PLXNA4: variants seen among roughly 807,000 people sequenced by gnomAD.
PLXNA4 encodes the protein plexin-A4.
A neutral mutation model predicts 191.8 loss-of-function variants in PLXNA4; 44 were observed. That is an observed-to-expected ratio of 0.23 (90% CI 0.18 to 0.29). The LOEUF (loss-of-function observed/expected upper bound fraction) is 0.29, where lower values mean the gene tolerates loss of function less well. Ranked by LOEUF, PLXNA4 falls within the 10% of genes least tolerant of loss-of-function variation. The pLI, the probability that PLXNA4 is intolerant of heterozygous loss-of-function variation, is 1.00. For synonymous variants in PLXNA4, 1,082 were observed against 1,009.5 expected (o/e 1.07, Z -1.36); for missense variants, 1,800 against 2,488.8 (o/e 0.72, Z 5.89).
At chr7:132,578,572 A>G (rs970021522), upstream of PLXNA4, among the ~76,000 whole-genome samples, 1 of 152,182 alleles carries the variant, frequency 6.6e-6, no homozygotes, top group Admixed American at 6.5e-5. Context: ...AGCCTTTGAA[A>G]GGAGCTGTGA....
intron 1 of PLXNA4, among the ~76,000 whole-genome samples, chr7:132,564,797 C>T (rs944072653): frequency 6.6e-6 from 1 of 152,198 alleles, no homozygotes. Flanking sequence ...GAATCCTTTT[C>T]TTTTTCTGCA....
At chr7:132,577,695 C>G (rs1219897900), upstream of PLXNA4, among the ~76,000 whole-genome samples, 1 of 152,092 alleles carries the variant, frequency 6.6e-6, no homozygotes, top group African/African-American at 2.4e-5. Context: ...CATGGGTGAC[C>G]GGAGCGCACG....
chr7:132,445,010 C>A (rs1479475046), intron 3 of PLXNA4, among the ~76,000 whole-genome samples: 2 of 151,166 alleles, frequency 1.3e-5, no homozygotes, highest in Non-Finnish European at 2.9e-5. Flanking sequence ...AAAAATTAGC[C>A]GGGCACAGTG....
At chr7:132,564,846 C>A (rs887504186) in intron 1 of PLXNA4, among the ~76,000 whole-genome samples, 1 of 152,166 alleles carries the variant, frequency 6.6e-6, no homozygotes, top group East Asian at 1.9e-4. Flanking sequence ...ATGGAGATCC[C>A]CCCGGGGACC....
At chr7:132,538,249 G>A (rs532338332) in intron 1 of PLXNA4, among the ~76,000 whole-genome samples, 15 of 152,182 alleles carry the variant, frequency 9.9e-5, no homozygotes, top group Admixed American at 2.6e-4. Flanking sequence ...AGCAAGAGAG[G>A]AAAGGAGTCC....
Position 132,508,720 on chromosome 7 carries a change from C to T in PLXNA4, c.-27G>A. ...GCAGAGGCGGGTCCCAGTGGCACAG[C>T]AGCACTCAGGCACAGTCGTCCCCTC... On this transcript the variant is annotated 5_prime_UTR_variant, in exon 2 of 32. Transcript: ENST00000321063. The surrounding 1 kb of genome is among the most constrained non-coding windows in gnomAD (Gnocchi z 4.4). 6.8e-7 allele frequency: 1 copy of T among 1,480,248 alleles called. No homozygotes were observed. Among genetic ancestry groups the T allele is most frequent in the Non-Finnish European group, 8.9e-7 (1 of 1,117,778 alleles). The allele number at this position is 1,480,248 out of a possible 1,614,324, so 91.7% of individuals were successfully genotyped here.
intron 1 of PLXNA4, among the ~76,000 whole-genome samples, chr7:132,568,793 G>T (rs1263661414): frequency 6.6e-6 from 1 of 152,210 alleles, no homozygotes; most frequent in African/African-American, 2.4e-5. Context: ...TCAGTGAGTT[G>T]CTCACATCAA....
At chr7:132,588,682 A>AAGGGAAG (rs1554474906) in intron 2 of PLXNA4, among the ~76,000 whole-genome samples, 2 of 40,784 alleles carry the variant, frequency 4.9e-5, no homozygotes, top group African/African-American at 1.6e-4. Context: ...AAGGGAAGGG[A>AAGGGAAG]GGAGGGAGGG....
At chr7:132,341,049 A>T (rs1803007911) in intron 3 of PLXNA4, among the ~76,000 whole-genome samples, 1 of 152,166 alleles carries the variant, frequency 6.6e-6, no homozygotes, top group Non-Finnish European at 1.5e-5. Context: ...GTCTTGGAGG[A>T]AGCTGTAGAA....
At chr7:132,452,878 G>A (rs1178545152) in intron 3 of PLXNA4, among the ~76,000 whole-genome samples, 1 of 152,168 alleles carries the variant, frequency 6.6e-6, no homozygotes, top group Non-Finnish European at 1.5e-5. Context: ...TATTTACTCT[G>A]GCAAAGTGAT....
chr7:132,567,820 C>T (rs1042320606), intron 1 of PLXNA4, among the ~76,000 whole-genome samples: 1 of 152,124 alleles, frequency 6.6e-6, no homozygotes, highest in Admixed American at 6.5e-5. Context: ...AATTGAGTTA[C>T]TGATGAAACA....
chr7:132,580,316 A>G (rs1171587901), upstream of PLXNA4, among the ~76,000 whole-genome samples: 1 of 152,162 alleles, frequency 6.6e-6, no homozygotes, highest in Non-Finnish European at 1.5e-5. Flanking sequence ...GTGTTTCTGC[A>G]TTAGGTACAA....
intron 2 of PLXNA4, among the ~76,000 whole-genome samples, chr7:132,506,493 T>C (rs1798469534): frequency 6.6e-6 from 1 of 152,206 alleles, no homozygotes; most frequent in Non-Finnish European, 1.5e-5. Flanking sequence ...TCATAATCTT[T>C]AAAATGCACA....
At chr7:132,329,899 T>C (rs889943) in intron 3 of PLXNA4, among the ~76,000 whole-genome samples, 149,167 of 152,318 alleles carry the variant, frequency 0.98, 73,043 homozygotes, top group East Asian at 1. Context: ...GGGAGGATTC[T>C]ACATTAGGCA....
chr7:132,301,200 C>T (rs1801292249), intron 3 of PLXNA4, among the ~76,000 whole-genome samples: 1 of 152,120 alleles, frequency 6.6e-6, no homozygotes, highest in African/African-American at 2.4e-5. Context: ...CAAAGAAAAG[C>T]ATTATTTATT....
chr7:132,213,385 T>A (rs945518869), intron 9 of PLXNA4, among the ~76,000 whole-genome samples: 4 of 152,286 alleles, frequency 2.6e-5, no homozygotes, highest in East Asian at 1.9e-4. Context: ...ATATGTGTAT[T>A]TTGCCACAAT....
chr7:132,322,184 C>CTTTTTTTTTTT (rs5887566), intron 3 of PLXNA4, among the ~76,000 whole-genome samples: 18 of 122,426 alleles, frequency 1.5e-4, no homozygotes, highest in South Asian at 2.8e-4. Flanking sequence ...CCTAAAAGGG[C>CTTTTTTTTTTT]TTTTTTTTTT....
intron 1 of PLXNA4, among the ~76,000 whole-genome samples, chr7:132,523,755 G>T (rs1191734831): frequency 6.6e-6 from 1 of 152,102 alleles, no homozygotes; most frequent in African/African-American, 2.4e-5. Flanking sequence ...GCTCCAGCAG[G>T]GGTTGCTGGT....
chr7:132,346,805 C>T (rs778773922), intron 3 of PLXNA4, among the ~76,000 whole-genome samples: 8 of 152,130 alleles, frequency 5.3e-5, no homozygotes, highest in Non-Finnish European at 7.4e-5. Flanking sequence ...TGGATGAGTC[C>T]AGGCTCCTAG....
Sources: gnomAD v4.1 joint callset for allele counts (sites outside exome capture counted in the v4.1 genomes callset) on GRCh38, gnomAD v4.1.1 for gene constraint, Gnocchi (gnomAD v3.1) non-coding constraint, MANE v1.5 for transcripts, NCBI Gene and HGNC (gene_info 2026-07-23, HGNC 2026-07-21) for gene names.